ATP9A: variants seen among roughly 807,000 people sequenced by gnomAD.
The protein encoded by ATP9A is ATPase phospholipid transporting 9A.
ATP9A carries 52 observed loss-of-function variants against 144.1 expected under a neutral mutation model. The ratio of observed to expected loss-of-function variants is 0.36; its 90% CI spans 0.29 to 0.45. The LOEUF is 0.45. ATP9A is among the 20% of genes least tolerant of loss of function. The pLI is 1.00. For synonymous variants in ATP9A, 582 were observed against 557.4 expected (o/e 1.04, Z -0.62); for missense variants, 947 against 1,392.7 (o/e 0.68, Z 5.09).
intron 2 of ATP9A, among the ~76,000 whole-genome samples, chr20:51,727,962 G>A (rs1325866929): frequency 6.6e-6 from 1 of 150,938 alleles, no homozygotes; most frequent in Non-Finnish European, 1.5e-5. Flanking sequence ...TCCACAACAT[G>A]ACCTCAACTC....
Position 51,725,804 on chromosome 20 carries a change from T to A in ATP9A, c.327+15A>T, listed in dbSNP as rs2077709737. 2.6e-6 allele frequency: 4 copies of A among 1,514,846 alleles called. No individual in the cohort carries two copies. The highest frequency in any genetic ancestry group is 3.7e-6 in the Non-Finnish European group (4 of 1,089,888). 93.8% of individuals were successfully genotyped at this position (1,514,846 alleles called of 1,614,324 possible). On this transcript the variant is annotated intron_variant, in intron 3 of 27. Transcript: ENST00000338821. ...ACCTCTAAGGTTACTGAACAAACAA[T>A]GCCGATTAACTTACCAGGGGAACCC...
At chr20:51,756,063 C>T (rs577852353) in intron 1 of ATP9A, among the ~76,000 whole-genome samples, 53 of 152,084 alleles carry the variant, frequency 3.5e-4, no homozygotes, top group African/African-American at 1.2e-3. Flanking sequence ...ATAAATGAGA[C>T]GCTTTCTACG....
chr20:51,609,648 A>G (rs959783981), intron 24 of ATP9A, among the ~76,000 whole-genome samples: 8 of 152,302 alleles, frequency 5.3e-5, no homozygotes, highest in African/African-American at 1.9e-4. Flanking sequence ...TGTTACTTGC[A>G]CATCCCCGAG....
chr20:51,679,943 T>C (rs2077492961), intron 9 of ATP9A, among the ~76,000 whole-genome samples: 1 of 152,004 alleles, frequency 6.6e-6, no homozygotes, highest in Non-Finnish European at 1.5e-5. Context: ...TATCAAACTG[T>C]TGTGGGCTGA....
intron 9 of ATP9A, among the ~76,000 whole-genome samples, chr20:51,687,203 G>A (rs1026824324): frequency 3.2e-5 from 4 of 126,244 alleles, no homozygotes; most frequent in Admixed American, 7.1e-5. Context: ...GCTGTGCCCA[G>A]GCGTGGCCCA....
At chr20:51,636,745 C>T (rs2077293893) in intron 15 of ATP9A, among the ~76,000 whole-genome samples, 2 of 152,222 alleles carry the variant, frequency 1.3e-5, no homozygotes, top group South Asian at 2.1e-4. Flanking sequence ...CCTAATGGTA[C>T]CTACCTCACA....
At chr20:51,708,389 C>A (rs2077623526) in intron 4 of ATP9A, among the ~76,000 whole-genome samples, 1 of 151,920 alleles carries the variant, frequency 6.6e-6, no homozygotes. Flanking sequence ...ACCTGTCATC[C>A]ATTTTTCCTC....
intron 13 of ATP9A, among the ~76,000 whole-genome samples, chr20:51,667,508 G>T (rs2077437766): frequency 6.6e-6 from 1 of 152,166 alleles, no homozygotes; most frequent in African/African-American, 2.4e-5. Flanking sequence ...CGAGGGAAGG[G>T]TCTAATTTGA....
chr20:51,731,080 C>T (rs77446032), intron 1 of ATP9A, among the ~76,000 whole-genome samples: 2 of 151,334 alleles, frequency 1.3e-5, no homozygotes, highest in African/African-American at 2.4e-5. Context: ...CCGAGGCAGG[C>T]GGATCATGAG....
rs1053635865 is a variant in ATP9A at position 51,746,975 on chromosome 20, C to T, written c.69-16997G>A. Among the ~76,000 whole-genome samples the T allele has an allele frequency of 6.6e-5, 10 of 152,252 alleles. No homozygotes were observed. The South Asian group carries it at 8.3e-4, about 13-fold the overall frequency. On this transcript the variant is annotated intron_variant, in intron 1 of 27. Transcript: ENST00000338821. ...GAGCCGAGGTAGTGCCATTGCACTCCAGCCTGGGCAACAGAGCGAGACTCC... is the reference window on the plus strand; with the variant it reads ...GAGCCGAGGTAGTGCCATTGCACTCTAGCCTGGGCAACAGAGCGAGACTCC...
intron 14 of ATP9A, among the ~76,000 whole-genome samples, chr20:51,645,984 G>T (rs143751570): frequency 7.9e-5 from 12 of 152,222 alleles, no homozygotes; most frequent in Non-Finnish European, 1.0e-4. Context: ...ACACAACCTC[G>T]TTAAGGTGGA....
chr20:51,697,235 T>TTG (rs750334118), intron 5 of ATP9A, among the ~76,000 whole-genome samples, 189 bp downstream of exon 5: 37 of 139,800 alleles, frequency 2.6e-4, no homozygotes, highest in East Asian at 7.8e-4. Context: ...GAAAAAATAT[T>TTG]TGTGTGTGTG....
In ATP9A at chr20:51,608,638, A is replaced by G. The variant is rs2077173034; in HGVS notation, c.2637-12T>C. 1 of 1,558,302 alleles carries G rather than the reference A, an allele frequency of 6.4e-7. No homozygotes were observed. ...AAATTGTGGAGTACCTGGGAGAGAA[A>G]ACCGCCATAGGTAAGACCTGGCTGA... On this transcript the variant is annotated splice_polypyrimidine_tract_variant and intron_variant, in intron 24 of 27. Coordinates refer to ENST00000338821, the MANE Select transcript of ATP9A (RefSeq NM_006045.3).
intron 1 of ATP9A, among the ~76,000 whole-genome samples, chr20:51,730,996 C>A (rs2077738523): frequency 6.6e-6 from 1 of 152,092 alleles, no homozygotes; most frequent in South Asian, 2.1e-4. Context: ...AAGTGAGACT[C>A]TCATCTCTAT....
intron 4 of ATP9A, among the ~76,000 whole-genome samples, chr20:51,704,041 A>C (rs2077605071): frequency 6.6e-6 from 1 of 152,144 alleles, no homozygotes; most frequent in African/African-American, 2.4e-5. Flanking sequence ...TTAAAGTTGA[A>C]ATTTTCATAT....
intron 4 of ATP9A, among the ~76,000 whole-genome samples, chr20:51,702,724 T>TAGAA (rs1568827663): frequency 2.0e-5 from 3 of 152,156 alleles, no homozygotes; most frequent in Non-Finnish European, 2.9e-5. Context: ...AAACACATGA[T>TAGAA]TTCTAACTTC....
chr20:51,765,807 A>C (rs1003300802), intron 1 of ATP9A, among the ~76,000 whole-genome samples: 1 of 152,124 alleles, frequency 6.6e-6, no homozygotes, highest in Non-Finnish European at 1.5e-5. Flanking sequence ...AAATACAAAG[A>C]TTAGCCGGGA....
intron 1 of ATP9A, among the ~76,000 whole-genome samples, chr20:51,751,499 A>G (rs2077831819): frequency 6.6e-6 from 1 of 151,962 alleles, no homozygotes; most frequent in South Asian, 2.1e-4. Context: ...TGGGCTTAAG[A>G]AATCCTCCCA....
At chr20:51,749,293 C>T (rs904754433) in intron 1 of ATP9A, among the ~76,000 whole-genome samples, 4 of 151,950 alleles carry the variant, frequency 2.6e-5, no homozygotes, top group African/African-American at 7.3e-5. Flanking sequence ...GACGGAGTCT[C>T]ACTCCGTCAC....
Sources: allele counts gnomAD v4.1 joint callset (sites outside exome capture counted in the v4.1 genomes callset), GRCh38; gene constraint gnomAD v4.1.1; transcripts MANE v1.5; gene names NCBI Gene and HGNC (gene_info 2026-07-23, HGNC 2026-07-21).